The following IGSF9B variants were observed in gnomAD, a reference collection of about 807,000 sequenced individuals.
The protein encoded by IGSF9B is protein turtle homolog B.
A neutral mutation model predicts 143.7 loss-of-function variants in IGSF9B; 48 were observed. The observed-to-expected ratio is 0.33, with a 90% CI of 0.26 to 0.42. IGSF9B has a LOEUF of 0.42. Ranked by LOEUF, IGSF9B falls within the 20% of genes least tolerant of loss-of-function variation. The pLI, the probability that IGSF9B is intolerant of heterozygous loss-of-function variation, is 1.00. For missense variants in IGSF9B, 1,706 were observed against 1,980.0 expected, an observed-to-expected ratio of 0.86 and a Z score of 2.63; for synonymous variants, 903 against 833.1, an observed-to-expected ratio of 1.08 and a Z score of -1.44.
Position 133,919,829 on chromosome 11 carries a change from T to C in IGSF9B, c.3896A>G (p.Asp1299Gly). ...AGGGGAAGGCGTCTGTCCAAACACGTCCAAGCTGTCCCCAGGCCCAGCAGG... is the reference window on the plus strand; with the variant it reads ...AGGGGAAGGCGTCTGTCCAAACACGCCCAAGCTGTCCCCAGGCCCAGCAGG... ...PAPAGPGDSL[D>G]VFGQTPSPRR... is the part of the protein sequence containing the mutation. Residue 1299 changes from aspartate to glycine, a missense_variant, in exon 18 of 20, where the codon GAC becomes GGC. Physicochemically the swap from Asp to Gly is moderately conservative, Grantham distance 94. Coordinates refer to ENST00000533871, the MANE Select transcript of IGSF9B (RefSeq NM_001277285.4). 2.6e-6 allele frequency: 4 copies of C among 1,568,522 alleles called. No homozygotes were observed. Among genetic ancestry groups the C allele is most frequent in the South Asian group, 1.2e-5 (1 of 84,914 alleles).
chr11:133,902,427 C>CACCACACACACCACCCAGA lies in IGSF9B; in HGVS notation c.*6641_*6642insTCTGGGTGGTGTGTGTGGT, dbSNP rs1555082775. 1.9e-4 allele frequency among the ~76,000 whole-genome samples: 14 copies of CACCACACACACCACCCAGA among 74,756 alleles called. No individual in the cohort carries two copies. Among genetic ancestry groups the CACCACACACACCACCCAGA allele is most frequent in the South Asian group, 5.5e-4 (1 of 1,832 alleles). 49.0% of individuals were successfully genotyped at this position (74,756 alleles called of 152,430 possible). On this transcript the variant is annotated 3_prime_UTR_variant, in exon 20 of 20. Transcript: ENST00000533871. ...ACACATACCACACACAATACACACA[C>CACCACACACACCACCCAGA]CACACCACACACACCACCCAGACAC...
At chr11:133,912,069 G>A (rs1257518815) in intron 18 of IGSF9B, 62 bp from the exon 19 acceptor site, 2 of 1,477,438 alleles carry the variant, frequency 1.4e-6, no homozygotes, top group Non-Finnish European at 1.8e-6. Flanking sequence ...TTGGAAGAGG[G>A]GCTGGAAGAA....
At position 133,948,341 on chromosome 11, in the gene IGSF9B, A is replaced by G. The variant is rs1940096597; in HGVS notation, c.65-2083T>C. ...GTTTTCTAGAGAAAGAGCTAAGATC[A>G]CAGAGTATTTTTGGAGCAGAGCAGA... On this transcript the variant is annotated intron_variant, in intron 1 of 19. Transcript: ENST00000533871. The surrounding 1 kb of genome is among the most constrained non-coding windows in gnomAD (Gnocchi z 4.7). Among the ~76,000 whole-genome samples the G allele has an allele frequency of 6.6e-6, 1 of 152,162 alleles. No homozygotes were observed. The highest frequency in any genetic ancestry group is 2.4e-5 in the African/African-American group (1 of 41,432).
Position 133,920,623 on chromosome 11 carries a change from C to T in IGSF9B, c.3102G>A (p.Gly1034=), listed in dbSNP as rs761300076. Residue 1034 remains glycine (G), a synonymous_variant, in exon 18 of 20, where the codon GGG becomes GGA. Transcript: ENST00000533871. ...TLPLTQTPTG[G]RSPEPWGRPE... is the part of the protein sequence containing the mutation. ...GCCGGCCCCAGGGCTCAGGGGAGCG[C>T]CCTCCTGTAGGTGTCTGAGTCAAGG... 4 of 1,613,510 alleles carry T rather than the reference C, an allele frequency of 2.5e-6. No individual in the cohort carries two copies. Among genetic ancestry groups the T allele is most frequent in the South Asian group, 1.1e-5 (1 of 91,084 alleles).
intron 18 of IGSF9B, among the ~76,000 whole-genome samples, chr11:133,916,914 C>T (rs1939394088): frequency 6.6e-6 from 1 of 152,104 alleles, no homozygotes; most frequent in South Asian, 2.1e-4. Context: ...TAAACGCTGC[C>T]TGACAGCCCT....
chr11:133,937,671 C>T (rs1939849894), intron 4 of IGSF9B, 139 bp downstream of exon 4: 1 of 1,167,660 alleles, frequency 8.6e-7, no homozygotes, highest in Admixed American at 2.4e-5. Context: ...CACAGAGACG[C>T]CTGCAGCTGA....
At chr11:133,956,550 G>C (rs1008243658) in intron 1 of IGSF9B, 141 bp downstream of exon 1, 33 of 515,612 alleles carry the variant, frequency 6.4e-5, no homozygotes, top group African/African-American at 6.4e-4. Flanking sequence ...GGCCCGCGTC[G>C]GAGCCCAAGC....
At chr11:133,932,328 G>A (rs1939748084) in intron 7 of IGSF9B, 115 bp from the exon 8 acceptor site, 1 of 1,114,456 alleles carries the variant, frequency 9.0e-7, no homozygotes, top group Non-Finnish European at 1.3e-6. Flanking sequence ...AGCCAGGTGG[G>A]AGAGCAGACA....
chr11:133,925,958 AGGGAATGCTGCGGCGG>A lies in IGSF9B; in HGVS notation c.1808-9_1814del. On this transcript the variant is annotated splice_acceptor_variant and splice_polypyrimidine_tract_variant and coding_sequence_variant and intron_variant, in exon 14 of 20. Transcript: ENST00000533871. LOFTEE classifies it high-confidence loss of function. ...GCACCAGGGGTTCTGGAGTTGTAATAGGGAATGCTGCGGCGGGGGAAGGAGAAGAACCACAGCGCAT... is the reference window on the plus strand; with the variant it reads ...GCACCAGGGGTTCTGGAGTTGTAATAGGGAAGGAGAAGAACCACAGCGCAT... 1 of 1,598,908 alleles carries A rather than the reference AGGGAATGCTGCGGCGG, an allele frequency of 6.3e-7. No homozygotes were observed. The highest frequency in any genetic ancestry group is 8.5e-7 in the Non-Finnish European group (1 of 1,172,382).
Position 133,920,685 on chromosome 11 carries a change from CG to C in IGSF9B, c.3039del (p.Glu1014ArgfsTer14). 1 of 1,613,388 alleles carries C rather than the reference CG, an allele frequency of 6.2e-7. No individual in the cohort carries two copies. The highest frequency in any genetic ancestry group is 1.3e-5 in the African/African-American group (1 of 75,028). On this transcript the variant is annotated frameshift_variant, in exon 18 of 20. Transcript: ENST00000533871. LOFTEE classifies it high-confidence loss of function. ...TEGPFGHPTI[P>X]EENGENASNS... ...TTGGATGCATTCTCTCCATTCTCCT[CG>C]GGGATGGTGGGGTGGCCAAAGGGCC...
At position 133,920,921 on chromosome 11, in the gene IGSF9B, C is replaced by A. The variant is rs373053404; in HGVS notation, c.2804G>T (p.Arg935Leu). 2.5e-5 allele frequency: 40 copies of A among 1,609,334 alleles called. No homozygotes were observed. The East Asian group carries it at 7.6e-4, about 31-fold the overall frequency. Reference protein sequence around the residue: ...PPAYSPRFQPRGLEGPGGLEG... With the variant: ...PPAYSPRFQPLGLEGPGGLEG... ...CAGGCCACCGGGGCCCTCCAGCCCG[C>A]GGGGCTGGAACCGAGGGCTGTATGC... The change falls in exon 18 of 20, where the codon CGC becomes CTC. Residue 935 changes from arginine to leucine, a missense_variant. By Grantham distance (102) the Arg-to-Leu change is moderately radical. Around this residue, in one of 7 missense-constraint regions of IGSF9B, gnomAD observed 880 missense variants for 762.9 expected, o/e 1.15. Transcript: ENST00000533871.
At position 133,920,242 on chromosome 11, in the gene IGSF9B, G is replaced by A; in HGVS notation, c.3483C>T (p.Pro1161=). The change falls in exon 18 of 20, where the codon CCC becomes CCT. Residue 1161 remains proline, a synonymous_variant. Coordinates refer to ENST00000533871, the MANE Select transcript of IGSF9B (RefSeq NM_001277285.4). ...ACCGGGTGTCCAGGCCAAATGTGCT[G>A]GGGCCGCCGTGCGCCCCCGGCTCAG... is the stretch of plus-strand genomic sequence containing the variant. ...EPAEPGAHGG[P]STFGLDTRWY... The A allele has an allele frequency of 1.3e-6, 2 of 1,517,042 alleles. No individual in the cohort carries two copies. Among genetic ancestry groups the A allele is most frequent in the Non-Finnish European group, 1.8e-6 (2 of 1,132,424 alleles). The allele number at this position is 1,517,042 out of a possible 1,614,324, so 94.0% of individuals were successfully genotyped here. A position where few individuals can be genotyped will look rare whatever the true frequency, so the allele number is the denominator to read the frequency against.
chr11:133,924,706 C>T, intron 15 of IGSF9B, 114 bp downstream of exon 15: 1 of 870,522 alleles, frequency 1.1e-6, no homozygotes, highest in South Asian at 1.5e-5. Context: ...CCAGGCACTG[C>T]CTTAGTTTCC....
At chr11:133,935,549 T>C (rs1939806262) in intron 7 of IGSF9B, 68 bp downstream of exon 7, 3 of 1,319,098 alleles carry the variant, frequency 2.3e-6, no homozygotes, top group African/African-American at 1.4e-5. Context: ...CCCTCCAGCC[T>C]ACAGTCTGGC....
Position 133,931,589 on chromosome 11 carries a change from C to G in IGSF9B, c.1252-20G>C, listed in dbSNP as rs751812874. 6.2e-7 allele frequency: 1 copy of G among 1,611,608 alleles called. No homozygotes were observed. The highest frequency in any genetic ancestry group is 8.5e-7 in the Non-Finnish European group (1 of 1,178,516). ...GGGGTCCTGGGGAGGAAAGCACAGG[C>G]ACCCTCGTGAGGCCGGGGATCCAGG... is the stretch of plus-strand genomic sequence containing the variant. On this transcript the variant is annotated intron_variant, in intron 9 of 19. Transcript: ENST00000533871. This position sits in a 1 kb window ranked among gnomAD's most constrained non-coding sequence, Gnocchi z 7.7.
In IGSF9B at chr11:133,901,944, CACAT is replaced by C. The variant is rs1379461132; in HGVS notation, c.*7121_*7124del. ...CACACCAAACCACACAACACACACA[CACAT>C]CACACACATGCACACCGCATCACAC... On this transcript the variant is annotated 3_prime_UTR_variant, in exon 20 of 20. Transcript: ENST00000533871. 2.1e-5 allele frequency among the ~76,000 whole-genome samples: 1 copy of C among 47,372 alleles called. No individual in the cohort carries two copies. The highest frequency in any genetic ancestry group is 5.0e-5 in the African/African-American group (1 of 20,064). The allele number at this position is 47,372 out of a possible 152,430, so 31.1% of individuals were successfully genotyped here. A position where few individuals can be genotyped will look rare whatever the true frequency, so the allele number is the denominator to read the frequency against.
chr11:133,899,094 G>A lies in IGSF9B; in HGVS notation c.*9975C>T, dbSNP rs1477285219. ...TATAGTAGACAGAGGTAGCAAGACA[G>A]AAACAACTCCTCAGATACCTCCACC... On this transcript the variant is annotated 3_prime_UTR_variant, in exon 20 of 20. Coordinates refer to ENST00000533871, the MANE Select transcript of IGSF9B (RefSeq NM_001277285.4). 1 of 152,240 alleles carries A rather than the reference G, an allele frequency of 6.6e-6. No individual in the cohort carries two copies. The highest frequency in any genetic ancestry group is 1.9e-4 in the East Asian group (1 of 5,194). 9.4% of individuals were successfully genotyped at this position (152,240 alleles called of 1,614,324 possible). A position where few individuals can be genotyped will look rare whatever the true frequency, so the allele number is the denominator to read the frequency against.
At position 133,911,998 on chromosome 11, in the gene IGSF9B, T is replaced by G. The variant is rs906302046; in HGVS notation, c.3993A>C (p.Pro1331=). The G allele has an allele frequency of 9.2e-6, 14 of 1,527,864 alleles. No individual in the cohort carries two copies. Among genetic ancestry groups the G allele is most frequent in the Non-Finnish European group, 1.2e-5 (14 of 1,144,578 alleles). 94.6% of individuals were successfully genotyped at this position (1,527,864 alleles called of 1,614,324 possible). The change falls in exon 19 of 20, where the codon CCA becomes CCC. Residue 1331 remains proline (P), a synonymous_variant. Coordinates refer to ENST00000533871, the MANE Select transcript of IGSF9B (RefSeq NM_001277285.4). ...PPTLPTSGTL[P]PAPGNAAAPE... The stretch of plus-strand genomic sequence containing the variant: ...GCGCAGCAGCGTTCCCGGGTGCAGG[T>G]GGAAGTGTTCTGGAAAGGACAACCA...
intron 3 of IGSF9B, among the ~76,000 whole-genome samples, chr11:133,939,781 C>A (rs778696425): frequency 6.6e-6 from 1 of 150,574 alleles, no homozygotes; most frequent in African/African-American, 2.5e-5. Context: ...ACACACACCT[C>A]GCCCGTCCTC....
Sources: gnomAD v4.1 joint callset for allele counts (sites outside exome capture counted in the v4.1 genomes callset) on GRCh38, gnomAD v4.1.1 for gene constraint, gnomAD v4.1.1 regional missense constraint, Gnocchi (gnomAD v3.1) non-coding constraint, MANE v1.5 for transcripts, NCBI Gene and HGNC (gene_info 2026-07-23, HGNC 2026-07-21) for gene names.